The following ZNF410 variants were observed in gnomAD, a reference collection of about 807,000 sequenced individuals.
ZNF410 encodes another partner for ARF 1.
In ZNF410, 18 loss-of-function variants were observed where a neutral mutation model predicts 54.8. The ratio of observed to expected loss-of-function variants is 0.33; its 90% CI spans 0.23 to 0.49. The LOEUF (loss-of-function observed/expected upper bound fraction) is 0.49, where lower values mean the gene tolerates loss of function less well. ZNF410 is among the 20% of genes least tolerant of loss of function. The probability of loss-of-function intolerance (pLI) is 0.99; values close to 1 mark genes in which losing one functional copy is unlikely to be tolerated. For missense variants in ZNF410, 405 were observed against 569.6 expected, an observed-to-expected ratio of 0.71 and a Z score of 2.94; for synonymous variants, 191 against 207.3, an observed-to-expected ratio of 0.92 and a Z score of 0.68.
intron 6 of ZNF410, 92 bp from the exon 7 acceptor site, chr14:73,904,810 C>T: frequency 1.4e-6 from 2 of 1,397,612 alleles, no homozygotes; most frequent in South Asian, 2.9e-5. Flanking sequence ...TTTGGACTTA[C>T]TGTTTGCCTT....
At chr14:73,894,910 C>T (rs2140296475) in intron 3 of ZNF410, among the ~76,000 whole-genome samples, 1 of 152,204 alleles carries the variant, frequency 6.6e-6, no homozygotes, top group East Asian at 1.9e-4. Context: ...TGCCTGTAAT[C>T]CCAGCACATT....
At chr14:73,899,544 A>G (rs4622451) in intron 5 of ZNF410, among the ~76,000 whole-genome samples, 96,686 of 152,092 alleles carry the variant, frequency 0.64, 31,081 homozygotes, top group South Asian at 0.72. Context: ...GCCAATCTCC[A>G]GATGCTGAAA....
intron 8 of ZNF410, among the ~76,000 whole-genome samples, chr14:73,918,934 G>C (rs1459982627): frequency 6.9e-6 from 1 of 143,906 alleles, no homozygotes; most frequent in Non-Finnish European, 1.5e-5. Flanking sequence ...TCCTGACCTC[G>C]TGATCCTCCC....
chr14:73,928,492 G>T (rs1195089125), intron 11 of ZNF410, among the ~76,000 whole-genome samples: 2 of 152,172 alleles, frequency 1.3e-5, no homozygotes, highest in East Asian at 3.8e-4. Context: ...TTGAAGTAGG[G>T]TATGACGTGA....
chr14:73,924,472 A>G (rs1172830255), intron 11 of ZNF410, among the ~76,000 whole-genome samples: 1 of 152,158 alleles, frequency 6.6e-6, no homozygotes, highest in Non-Finnish European at 1.5e-5. Context: ...TCAACTCTGT[A>G]GTTTGGCTTT....
chr14:73,898,627 C>T (rs896319906), intron 5 of ZNF410: 3 of 296,838 alleles, frequency 1.0e-5, no homozygotes, highest in Non-Finnish European at 5.9e-6. Context: ...GAAATCAAAA[C>T]AGTTTTTATC....
chr14:73,898,180 C>T lies in ZNF410; in HGVS notation c.498C>T (p.Leu166=), dbSNP rs1165679952. The change falls in exon 5 of 12, where the codon CTC becomes CTT. Residue 166 remains leucine (L), a synonymous_variant. Coordinates refer to ENST00000555044, the MANE Select transcript of ZNF410 (RefSeq NM_021188.3). ...CAGACAGTAGCATTCCATGGTTCCT[C>T]CGGGTTCAGGAGTTGGCCCATGACA... The part of the protein sequence containing the change: ...ESTDSSIPWF[L]RVQELAHDSL... 6.2e-7 allele frequency: 1 copy of T among 1,614,120 alleles called. No individual in the cohort carries two copies. Among genetic ancestry groups the T allele is most frequent in the Admixed American group, 1.7e-5 (1 of 60,004 alleles).
intron 3 of ZNF410, among the ~76,000 whole-genome samples, chr14:73,894,140 A>G (rs2055274367): frequency 6.6e-6 from 1 of 152,174 alleles, no homozygotes; most frequent in African/African-American, 2.4e-5. Flanking sequence ...AGAGTGTGAG[A>G]GTGGGGAAAA....
intron 8 of ZNF410, 105 bp downstream of exon 8, chr14:73,909,535 T>C: frequency 1.2e-6 from 1 of 866,750 alleles, no homozygotes; most frequent in South Asian, 1.7e-5. Flanking sequence ...AACTGTTCAC[T>C]ATAAAGATAG....
chr14:73,920,887 A>G (rs1223864018), intron 8 of ZNF410, 93 bp from the exon 9 acceptor site: 2 of 1,515,836 alleles, frequency 1.3e-6, no homozygotes, highest in Middle Eastern at 1.8e-4. Flanking sequence ...GCTTATGTTC[A>G]GTTTAACATT....
intron 5 of ZNF410, 50 bp from the exon 6 acceptor site, chr14:73,903,910 T>G (rs1270201907): frequency 6.2e-7 from 1 of 1,606,224 alleles, no homozygotes; most frequent in Non-Finnish European, 8.5e-7. Context: ...TGAGCCTAAG[T>G]ATCTGAGTAG....
chr14:73,896,798 A>G (rs1475554725), intron 4 of ZNF410, among the ~76,000 whole-genome samples: 2 of 152,130 alleles, frequency 1.3e-5, no homozygotes, highest in African/African-American at 4.8e-5. Flanking sequence ...ATTAGTTCCA[A>G]TTTGCACCTA....
At position 73,932,427 on chromosome 14, in the gene ZNF410, C is replaced by T. The variant is rs1566671175; in HGVS notation, c.*886C>T. 2.2e-6 allele frequency: 1 copy of T among 453,228 alleles called. No homozygotes were observed. The highest frequency in any genetic ancestry group is 4.4e-6 in the Non-Finnish European group (1 of 226,204). 28.1% of individuals were successfully genotyped at this position (453,228 alleles called of 1,614,324 possible). On this transcript the variant is annotated 3_prime_UTR_variant, in exon 12 of 12. Coordinates refer to ENST00000555044, the MANE Select transcript of ZNF410 (RefSeq NM_021188.3). ...TCTTAGGAAACAACAAGAACATCTT[C>T]ATTTCTTAAGCCCAGGTGATAGTTA...
intron 5 of ZNF410, among the ~76,000 whole-genome samples, chr14:73,902,827 A>G (rs1375863307): frequency 6.6e-6 from 1 of 152,222 alleles, no homozygotes; most frequent in Non-Finnish European, 1.5e-5. Flanking sequence ...TTTTGTTTAC[A>G]TTTAAGGGAG....
chr14:73,926,050 A>G (rs1189349455), intron 11 of ZNF410, among the ~76,000 whole-genome samples: 1 of 152,048 alleles, frequency 6.6e-6, no homozygotes, highest in Non-Finnish European at 1.5e-5. Context: ...CAAAAACACA[A>G]TTAACTTTAT....
intron 10 of ZNF410, 39 bp downstream of exon 10, chr14:73,922,245 C>G: frequency 6.3e-7 from 1 of 1,598,832 alleles, no homozygotes. Context: ...GAAAAATGGG[C>G]TGCAACTAGG....
chr14:73,888,854 A>T (rs2055181994), intron 1 of ZNF410, among the ~76,000 whole-genome samples: 1 of 152,228 alleles, frequency 6.6e-6, no homozygotes, highest in Non-Finnish European at 1.5e-5. Flanking sequence ...ATCTTAATGC[A>T]TCCTGCTATT....
At chr14:73,896,254 T>C in intron 3 of ZNF410, 62 bp from the exon 4 acceptor site, 1 of 1,277,514 alleles carries the variant, frequency 7.8e-7, no homozygotes, top group Non-Finnish European at 1.1e-6. Flanking sequence ...GTGCTGTGTA[T>C]CAAAATGGTG....
At chr14:73,888,800 G>A (rs2055181449) in intron 1 of ZNF410, among the ~76,000 whole-genome samples, 1 of 152,270 alleles carries the variant, frequency 6.6e-6, no homozygotes, top group Middle Eastern at 3.4e-3. Context: ...CACTTGATAA[G>A]ATACTGAGTG....
Sources: gnomAD v4.1 joint callset for allele counts (sites outside exome capture counted in the v4.1 genomes callset) on GRCh38, gnomAD v4.1.1 for gene constraint, MANE v1.5 for transcripts, NCBI Gene and HGNC (gene_info 2026-07-23, HGNC 2026-07-21) for gene names.